Variants in GAK observed in about 807,000 individuals in gnomAD.
GAK encodes the protein cyclin G associated kinase.
Under a neutral mutation model 143.9 loss-of-function variants are expected in GAK, and 79 were observed. The observed-to-expected ratio is 0.55, with a 90% CI of 0.46 to 0.66. GAK has a LOEUF of 0.66. Ranked by LOEUF, GAK falls within the 30% of genes least tolerant of loss-of-function variation. GAK has a pLI of 0.00. For synonymous variants in GAK, 881 were observed against 765.5 expected (o/e 1.15, Z -2.49); for missense variants, 1,693 against 1,779.7 (o/e 0.95, Z 0.88).
rs757571980 is a variant in GAK at position 883,435 on chromosome 4, C to T, written c.1284G>A (p.Glu428=). The change falls in exon 13 of 28, where the codon GAG becomes GAA. Residue 428 remains glutamate, a synonymous_variant. Transcript: ENST00000314167. ...CTTCGATGTTGTTTTTGAGCGCTGA[C>T]TCCACACCTTCTGCTGGGAATGACA... is the stretch of plus-strand genomic sequence containing the variant. The part of the protein sequence containing the change: ...AVMSFPAEGV[E]SALKNNIEDV... 1.4e-5 allele frequency: 22 copies of T among 1,613,614 alleles called. No homozygotes were observed. In the South Asian group the frequency reaches 2.4e-4, roughly 18 times the overall value.
chr4:850,774 A>G lies in GAK; in HGVS notation c.3657+162T>C, dbSNP rs530410176. ...AGGGCTGCCAGGCCCATCGGCAGTGACAGGTCCCTGTCTGGAGACGCCGGC... is the reference window on the plus strand; with the variant it reads ...AGGGCTGCCAGGCCCATCGGCAGTGGCAGGTCCCTGTCTGGAGACGCCGGC... On this transcript the variant is annotated intron_variant, in intron 26 of 27. Transcript: ENST00000314167. The G allele has an allele frequency of 5.4e-5, 39 of 721,620 alleles. No individual in the cohort carries two copies. In the East Asian group the frequency reaches 1.2e-3, roughly 21 times the overall value. The allele number at this position is 721,620 out of a possible 1,614,324, so 44.7% of individuals were successfully genotyped here.
intron 1 of GAK, among the ~76,000 whole-genome samples, chr4:923,990 G>A (rs1441919033): frequency 3.9e-5 from 6 of 151,976 alleles, no homozygotes; most frequent in Non-Finnish European, 5.9e-5. Flanking sequence ...TTTGAGACCA[G>A]CCTGACCAAC....
chr4:892,777 G>A (rs1010152417), intron 9 of GAK, among the ~76,000 whole-genome samples: 1 of 152,224 alleles, frequency 6.6e-6, no homozygotes, highest in Non-Finnish European at 1.5e-5. Context: ...CCAGACCCCA[G>A]AAACAAAGAC....
At position 870,900 on chromosome 4, in the gene GAK, C is replaced by T. The variant is rs1560319256; in HGVS notation, c.2059G>A (p.Asp687Asn). 1 of 1,611,046 alleles carries T rather than the reference C, an allele frequency of 6.2e-7. No individual in the cohort carries two copies. The highest frequency in any genetic ancestry group is 2.2e-5 in the East Asian group (1 of 44,818). The change falls in exon 19 of 28, where the codon GAC (aspartate) becomes AAC (asparagine). Residue 687 changes from aspartate (D) to asparagine (N), a missense_variant. Asp to Asn is a conservative substitution (Grantham distance 23). Around this residue, in one of 2 missense-constraint regions of GAK, gnomAD observed 871 missense variants for 991.0 expected, o/e 0.88. Transcript: ENST00000314167. The part of the protein sequence containing the change: ...NATTVKFAKY[D>N]LDACDIQEKY... ...TCTTGAATGTCACACGCGTCCAGGT[C>T]ATACCTGCGGTTACAAGTAGACACC...
intron 8 of GAK, 63 bp from the exon 9 acceptor site, chr4:893,552 C>G (rs1309254664): frequency 8.1e-7 from 1 of 1,229,302 alleles, no homozygotes; most frequent in South Asian, 1.6e-5. Flanking sequence ...ACCCCCTGCA[C>G]TGGCAGAGGT....
chr4:869,892 C>T (rs1421264779), intron 19 of GAK: 2 of 150,950 alleles, frequency 1.3e-5, no homozygotes, highest in South Asian at 2.1e-4. Flanking sequence ...CACAGATGCA[C>T]GGTACACACA....
chr4:876,734 C>T (rs556708357), intron 17 of GAK, 125 bp from the exon 18 acceptor site: 1 of 779,214 alleles, frequency 1.3e-6, no homozygotes, highest in African/African-American at 1.7e-5. Flanking sequence ...TGGACGGCGC[C>T]CCCGTGCCAC....
chr4:877,938 A>G, intron 15 of GAK, 129 bp from the exon 16 acceptor site: 1 of 675,088 alleles, frequency 1.5e-6, no homozygotes. Flanking sequence ...GTTGCTCCTA[A>G]CAAATCTGAT....
intron 1 of GAK, among the ~76,000 whole-genome samples, chr4:918,256 C>T (rs1723369790): frequency 6.6e-6 from 1 of 152,130 alleles, no homozygotes; most frequent in Non-Finnish European, 1.5e-5. Flanking sequence ...AATTTAGAAA[C>T]AACAACTACA....
chr4:858,006 G>A (rs972123111), intron 24 of GAK, among the ~76,000 whole-genome samples: 1 of 152,190 alleles, frequency 6.6e-6, no homozygotes, highest in East Asian at 1.9e-4. Context: ...CCCAGGTGTC[G>A]TTTGAAAGTG....
intron 12 of GAK, among the ~76,000 whole-genome samples, chr4:883,786 C>G (rs1441304084): frequency 2.0e-5 from 3 of 152,244 alleles, no homozygotes; most frequent in Non-Finnish European, 4.4e-5. Flanking sequence ...CGGACACGGC[C>G]TTGTGTTGTT....
At chr4:876,635 C>G in intron 17 of GAK, 26 bp from the exon 18 acceptor site, 1 of 1,602,664 alleles carries the variant, frequency 6.2e-7, no homozygotes, top group Non-Finnish European at 8.5e-7. Context: ...ACACGACACC[C>G]CACGTGGAGG....
At chr4:894,082 C>T in intron 7 of GAK, 73 bp from the exon 8 acceptor site, 1 of 1,432,262 alleles carries the variant, frequency 7.0e-7, no homozygotes, top group Non-Finnish European at 9.2e-7. Flanking sequence ...GCGGGGAGAG[C>T]AGGGGTGATG....
chr4:866,667 G>GGC, intron 21 of GAK, 133 bp from the exon 22 acceptor site: 2 of 963,908 alleles, frequency 2.1e-6, no homozygotes, highest in Non-Finnish European at 3.0e-6. Flanking sequence ...CCCTCGCAGG[G>GGC]GCACTGAGGC....
At chr4:898,482 T>C (rs1300543444) in intron 5 of GAK, among the ~76,000 whole-genome samples, 1 of 152,218 alleles carries the variant, frequency 6.6e-6, no homozygotes, top group Non-Finnish European at 1.5e-5. Context: ...TTACTTCTGA[T>C]CAAATGTAAT....
intron 7 of GAK, among the ~76,000 whole-genome samples, chr4:895,568 T>C (rs1039991274): frequency 8.5e-5 from 13 of 152,242 alleles, no homozygotes; most frequent in African/African-American, 2.2e-4. Flanking sequence ...CTTCAGCCCA[T>C]GTGCTGTGGC....
At chr4:861,734 T>C (rs1260879387) in intron 23 of GAK, among the ~76,000 whole-genome samples, 1 of 152,244 alleles carries the variant, frequency 6.6e-6, no homozygotes, top group African/African-American at 2.4e-5. Context: ...CCAGCCCTAT[T>C]GCTGATACAG....
In GAK at chr4:894,006, G is replaced by A. The variant is rs771460982; in HGVS notation, c.745C>T (p.Leu249=). ...CACAGCAGGTACAAGATGCAGCCCAGGGCCTGCGGGGAGAGCAGGGGTGAT... is the reference window on the plus strand; with the variant it reads ...CACAGCAGGTACAAGATGCAGCCCAAGGCCTGCGGGGAGAGCAGGGGTGAT... ...PIGEKQDIWA[L]GCILYLLCFR... The change falls in exon 8 of 28, where the codon CTG becomes TTG. Residue 249 remains leucine, a synonymous_variant. Coordinates refer to ENST00000314167, the MANE Select transcript of GAK (RefSeq NM_005255.4). 60 of 1,601,290 alleles carry A rather than the reference G, an allele frequency of 3.7e-5. No homozygotes were observed. The highest frequency in any genetic ancestry group is 9.4e-5 in the African/African-American group (7 of 74,660).
At chr4:917,692 T>G (rs538409254) in intron 1 of GAK, among the ~76,000 whole-genome samples, 1 of 152,368 alleles carries the variant, frequency 6.6e-6, no homozygotes, top group African/African-American at 2.4e-5. Context: ...GACGCACATG[T>G]TTGCTGCCTT....
Sources: allele counts gnomAD v4.1 joint callset (sites outside exome capture counted in the v4.1 genomes callset), GRCh38; gene constraint gnomAD v4.1.1; regional missense constraint gnomAD v4.1.1; transcripts MANE v1.5; gene names NCBI Gene and HGNC (gene_info 2026-07-23, HGNC 2026-07-21).